FBN2: variants seen among roughly 807,000 people sequenced by gnomAD.
FBN2 encodes fibrillin 2.
A neutral mutation model predicts 355.6 loss-of-function variants in FBN2; 105 were observed. That is an observed-to-expected ratio of 0.30 (90% confidence interval 0.25 to 0.35). The LOEUF (loss-of-function observed/expected upper bound fraction) is 0.35, where lower values mean the gene tolerates loss of function less well. Among genes scored for constraint, FBN2 ranks in the 10% least tolerant of loss-of-function variants. FBN2 has a pLI of 1.00. For synonymous variants in FBN2, 1,350 were observed against 1,301.2 expected (o/e 1.04, Z -0.81); for missense variants, 3,280 against 3,758.7 (o/e 0.87, Z 3.33).
intron 18 of FBN2, 85 bp downstream of exon 18, chr5:128,364,515 T>C (rs1044148539): frequency 1.9e-4 from 260 of 1,364,196 alleles, no homozygotes; most frequent in Middle Eastern, 1.1e-3. Flanking sequence ...TTTTTAGTTT[T>C]AGTCATTTGT....
Position 128,366,416 on chromosome 5 carries a change from G to C in FBN2, c.2263C>G (p.Leu755Val). The C allele has an allele frequency of 6.2e-7, 1 of 1,604,522 alleles. No individual in the cohort carries two copies. Among genetic ancestry groups the C allele is most frequent in the Non-Finnish European group, 8.5e-7 (1 of 1,172,694 alleles). ...GTGATACCTACTCCACTACTACAAAGGCCGTGGAATTCAGCTGTATGACAA... is the reference window on the plus strand; with the variant it reads ...GTGATACCTACTCCACTACTACAAACGCCGTGGAATTCAGCTGTATGACAA... ...PAKNSAEFHGLCSSGVGITVD... is the reference protein window; with the variant it reads ...PAKNSAEFHGVCSSGVGITVD... The change falls in exon 17 of 65, where the codon CTT becomes GTT. Residue 755 changes from leucine (L) to valine (V), a missense_variant. Transcript: ENST00000262464.
intron 56 of FBN2, among the ~76,000 whole-genome samples, chr5:128,279,932 T>A (rs752510495): frequency 6.6e-5 from 10 of 152,204 alleles, no homozygotes; most frequent in South Asian, 2.1e-4. Context: ...AAAGCCAAAT[T>A]TTCCAAAGAA....
At chr5:128,515,150 G>A (rs901791527) in intron 5 of FBN2, among the ~76,000 whole-genome samples, 4 of 152,118 alleles carry the variant, frequency 2.6e-5, no homozygotes, top group African/African-American at 9.7e-5. Context: ...ATCCAAATTT[G>A]TCCATCTTTA....
intron 5 of FBN2, among the ~76,000 whole-genome samples, chr5:128,488,963 G>A (rs1037518967): frequency 1.3e-5 from 2 of 152,130 alleles, no homozygotes; most frequent in African/African-American, 4.8e-5. Flanking sequence ...ATAAACAAAC[G>A]TGCACGTGTG....
At position 128,378,851 on chromosome 5, in the gene FBN2, T is replaced by C; in HGVS notation, c.1643A>G (p.Asp548Gly). Residue 548 changes from aspartate (D) to glycine (G), a missense_variant, in exon 12 of 65, where the codon GAT (aspartate) becomes GGT (glycine). Transcript: ENST00000262464. ...ATAGGAACCAGGTGTGTTAACACAA[T>C]CTCCATTAGTGCAGGGATTTGATGT... ...ECTSNPCTNG[D>G]CVNTPGSYYC... The C allele has an allele frequency of 6.2e-7, 1 of 1,613,174 alleles. No individual in the cohort carries two copies. The highest frequency in any genetic ancestry group is 8.5e-7 in the Non-Finnish European group (1 of 1,179,318).
At chr5:128,501,573 AAAT>A (rs1282474409) in intron 5 of FBN2, among the ~76,000 whole-genome samples, 1 of 152,216 alleles carries the variant, frequency 6.6e-6, no homozygotes, top group African/African-American at 2.4e-5. Context: ...TTGTAGGAAA[AAAT>A]AATGAGAAAA....
intron 5 of FBN2, among the ~76,000 whole-genome samples, chr5:128,498,194 T>C (rs1755708114): frequency 6.6e-6 from 1 of 152,204 alleles, no homozygotes; most frequent in Admixed American, 6.5e-5. Context: ...AAAGTGATTC[T>C]TGCATGGCCC....
At chr5:128,444,165 T>C (rs926186336) in intron 7 of FBN2, among the ~76,000 whole-genome samples, 1 of 142,336 alleles carries the variant, frequency 7.0e-6, no homozygotes, top group Non-Finnish European at 1.5e-5. Flanking sequence ...CTCCGCCTCC[T>C]GGGTTCACGC....
In FBN2 at chr5:128,305,926, A is replaced by G. The variant is rs1237100199; in HGVS notation, c.5445T>C (p.Ile1815=). Residue 1815 remains isoleucine, a synonymous_variant, in exon 43 of 65, where the codon ATT becomes ATC. Coordinates refer to ENST00000262464, the MANE Select transcript of FBN2 (RefSeq NM_001999.4). ...KAVDIDECKE[I]PGICANGVCI... is the part of the protein sequence containing the mutation. ...ACACACCATTTGCACAAATGCCTGGAATCTCTTTACATTCATCAATGTCTG... is the reference window on the plus strand; with the variant it reads ...ACACACCATTTGCACAAATGCCTGGGATCTCTTTACATTCATCAATGTCTG... The G allele has an allele frequency of 6.2e-7, 1 of 1,613,718 alleles. No homozygotes were observed.
intron 55 of FBN2, among the ~76,000 whole-genome samples, chr5:128,281,427 G>A (rs190159738): frequency 6.6e-6 from 1 of 152,132 alleles, no homozygotes; most frequent in Non-Finnish European, 1.5e-5. Context: ...TTCTATCAAT[G>A]CCAAGAAGTA....
chr5:128,271,815 T>G (rs373885722), intron 62 of FBN2, among the ~76,000 whole-genome samples, 184 bp downstream of exon 62: 22 of 152,222 alleles, frequency 1.4e-4, no homozygotes, highest in African/African-American at 4.8e-4. Flanking sequence ...AACTTTTTTT[T>G]TAATAGATAT....
intron 36 of FBN2, among the ~76,000 whole-genome samples, chr5:128,316,889 T>A (rs1401968209): frequency 6.6e-6 from 1 of 152,120 alleles, no homozygotes; most frequent in African/African-American, 2.4e-5. Context: ...TTTCTGAGGG[T>A]GTAACAGGCA....
At chr5:128,501,496 C>G (rs1014996258) in intron 5 of FBN2, among the ~76,000 whole-genome samples, 2 of 152,060 alleles carry the variant, frequency 1.3e-5, no homozygotes, top group Non-Finnish European at 2.9e-5. Context: ...AGAAATGGGT[C>G]GGGAACTATG....
intron 5 of FBN2, among the ~76,000 whole-genome samples, chr5:128,495,818 A>G (rs1005096369): frequency 2.0e-5 from 3 of 152,124 alleles, no homozygotes; most frequent in African/African-American, 7.2e-5. Context: ...TGAAAGAGGG[A>G]GCATTATTAC....
chr5:128,375,346 G>A (rs1003517280), intron 14 of FBN2, among the ~76,000 whole-genome samples: 13 of 152,144 alleles, frequency 8.5e-5, no homozygotes, highest in African/African-American at 1.9e-4. Flanking sequence ...TGGTGAGGTC[G>A]AAGTCATCTT....
intron 28 of FBN2, 51 bp downstream of exon 28, chr5:128,335,937 C>A (rs1431782456): frequency 4.4e-6 from 7 of 1,605,400 alleles, no homozygotes; most frequent in Middle Eastern, 1.7e-4. Flanking sequence ...AAAAGTTTTC[C>A]TAGGCTGATT....
chr5:128,458,100 C>G (rs1370602570), intron 6 of FBN2, among the ~76,000 whole-genome samples: 2 of 151,898 alleles, frequency 1.3e-5, no homozygotes, highest in African/African-American at 4.8e-5. Context: ...CACACACAGG[C>G]TCAAAATAAA....
chr5:128,356,754 C>A (rs1048089946), intron 20 of FBN2, among the ~76,000 whole-genome samples: 10 of 152,200 alleles, frequency 6.6e-5, no homozygotes, highest in Non-Finnish European at 1.5e-4. Context: ...ATAATTTCCC[C>A]TAGAGATTTC....
At chr5:128,535,361 T>A (rs1436904549) in intron 2 of FBN2, among the ~76,000 whole-genome samples, 1 of 152,194 alleles carries the variant, frequency 6.6e-6, no homozygotes, top group East Asian at 1.9e-4. Flanking sequence ...TGCCACTACA[T>A]CCTTATTATC....
Sources: allele counts gnomAD v4.1 joint callset (sites outside exome capture counted in the v4.1 genomes callset), GRCh38; gene constraint gnomAD v4.1.1; transcripts MANE v1.5; gene names NCBI Gene and HGNC (gene_info 2026-07-23, HGNC 2026-07-21).